MORC4: variants seen among roughly 807,000 people sequenced by gnomAD.
MORC4 encodes MORC family CW-type zinc finger protein 4.
MORC4 carries 22 observed loss-of-function variants against 65.5 expected under a neutral mutation model. The observed-to-expected ratio is 0.34, with a 90% confidence interval of 0.24 to 0.48. MORC4 has a LOEUF of 0.48. MORC4 is among the 20% of genes least tolerant of loss of function. The pLI, the probability that MORC4 is intolerant of heterozygous loss-of-function variation, is 0.99. For missense variants in MORC4, 624 were observed against 703.0 expected, an observed-to-expected ratio of 0.89 and a Z score of 1.27; for synonymous variants, 267 against 255.8, an observed-to-expected ratio of 1.04 and a Z score of -0.42.
At chrX:106,961,836 G>A (rs1418358317) in intron 10 of MORC4, among the ~76,000 whole-genome samples, 176 bp downstream of exon 10, 2 of 111,495 alleles carry the variant, frequency 1.8e-5, no homozygotes, top group East Asian at 2.8e-4. Context: ...TCTTTGGGTC[G>A]GTGCCATCTT....
intron 5 of MORC4, among the ~76,000 whole-genome samples, chrX:106,984,531 C>T (rs1176509955): frequency 1.1e-5 from 1 of 93,456 alleles, no homozygotes; most frequent in East Asian, 3.4e-4. Flanking sequence ...TGCAGAGGCG[C>T]GATCTCTGCT....
chrX:106,982,523 T>C (rs1013498871), intron 5 of MORC4, among the ~76,000 whole-genome samples: 48 of 111,839 alleles, frequency 4.3e-4, no homozygotes, highest in African/African-American at 1.5e-3. Flanking sequence ...CTACCCCACC[T>C]GACCCCAATG....
intron 3 of MORC4, among the ~76,000 whole-genome samples, chrX:106,990,830 C>G (rs1274932232): frequency 2.7e-5 from 3 of 110,923 alleles, no homozygotes; most frequent in African/African-American, 9.9e-5. Context: ...TGAGATCATG[C>G]CATTGCACTC....
chrX:106,959,009 C>G (rs1452031711), intron 10 of MORC4, among the ~76,000 whole-genome samples: 1 of 111,657 alleles, frequency 9.0e-6, no homozygotes, highest in Non-Finnish European at 1.9e-5. Context: ...CTCCTTATTC[C>G]TTTTCATTTC....
chrX:106,989,561 G>C (rs1050316373), intron 3 of MORC4, among the ~76,000 whole-genome samples: 2 of 111,876 alleles, frequency 1.8e-5, no homozygotes, highest in Admixed American at 9.5e-5. Context: ...AAATACAAAA[G>C]TAATATGCCT....
chrX:106,974,890 G>C (rs1934591654), intron 9 of MORC4, among the ~76,000 whole-genome samples: 1 of 111,420 alleles, frequency 9.0e-6, no homozygotes, highest in African/African-American at 3.3e-5. Flanking sequence ...GCCAGAATTG[G>C]CATGAGTTAT....
chrX:106,953,827 A>T (rs916193862), intron 14 of MORC4, among the ~76,000 whole-genome samples: 6 of 112,097 alleles, frequency 5.4e-5, no homozygotes, highest in Non-Finnish European at 1.1e-4. Context: ...ATAGTCACTA[A>T]AAAGTTCACT....
intron 9 of MORC4, among the ~76,000 whole-genome samples, chrX:106,963,847 T>C (rs1322438536): frequency 1.8e-5 from 2 of 109,571 alleles, no homozygotes; most frequent in Non-Finnish European, 3.8e-5. Flanking sequence ...AGGTCAATCC[T>C]TGGCACAGAG....
Position 106,943,109 on chromosome X carries a change from A to G in MORC4, c.1782T>C (p.Ala594=), listed in dbSNP as rs764780745. ...CAGGTGCTTCTACCCTCCTGTAAGG[A>G]GCAGGCATGGAATAATCTAGAGAAG... ...TTPSLDYSMP[A]PYRRVEAPVA... The change falls in exon 15 of 17, where the codon GCT becomes GCC. Residue 594 remains alanine, a synonymous_variant. Coordinates refer to ENST00000355610, the MANE Select transcript of MORC4 (RefSeq NM_024657.5). 4.1e-6 allele frequency: 5 copies of G among 1,210,899 alleles called. No homozygotes were observed. The highest frequency in any genetic ancestry group is 5.6e-6 in the Non-Finnish European group (5 of 894,684).
chrX:106,995,511 C>T (rs1264918051), intron 2 of MORC4, among the ~76,000 whole-genome samples: 1 of 112,084 alleles, frequency 8.9e-6, no homozygotes, highest in Admixed American at 9.5e-5. Context: ...GCCTTCTGTG[C>T]CTGGCTTATT....
intron 9 of MORC4, among the ~76,000 whole-genome samples, chrX:106,968,767 A>T (rs1329298146): frequency 9.0e-6 from 1 of 110,964 alleles, no homozygotes; most frequent in African/African-American, 3.3e-5. Context: ...GGATCAATTC[A>T]ACAAGAAGAG....
intron 3 of MORC4, among the ~76,000 whole-genome samples, chrX:106,992,416 A>C (rs1935000425): frequency 8.9e-6 from 1 of 112,611 alleles, no homozygotes; most frequent in South Asian, 3.7e-4. Flanking sequence ...CAGGGAGAGT[A>C]ATCAACCTCA....
At chrX:106,972,537 T>C (rs1256819199) in intron 9 of MORC4, among the ~76,000 whole-genome samples, 4 of 111,385 alleles carry the variant, frequency 3.6e-5, no homozygotes, top group Non-Finnish European at 7.5e-5. Flanking sequence ...AAAATAGATA[T>C]AGGATTCCCT....
chrX:106,971,779 C>T lies in MORC4; in HGVS notation c.1157+4805G>A, dbSNP rs182365786. ...AAAACCATAATGAGATACCATCTCA[C>T]GCCAGTTAGAATGGCGACCATTAAA... On this transcript the variant is annotated intron_variant, in intron 9 of 16. Transcript: ENST00000355610. Among the ~76,000 whole-genome samples, 578 of 112,066 alleles carry T rather than the reference C, an allele frequency of 5.2e-3. 4 individuals carry two copies. The highest frequency in any genetic ancestry group is 8.0e-3 in the Non-Finnish European group (424 of 53,189).
chrX:106,946,360 G>A lies in MORC4; in HGVS notation c.1686-3155C>T, dbSNP rs1022888705. On this transcript the variant is annotated intron_variant, in intron 14 of 16. Coordinates refer to ENST00000355610, the MANE Select transcript of MORC4 (RefSeq NM_024657.5). ...TAAAACATATGGCTTTTTTAAACTC[G>A]CTTCTTTCACCTAAATGGAATAAAA... Among the ~76,000 whole-genome samples, 4 of 112,071 alleles carry A rather than the reference G, an allele frequency of 3.6e-5. No individual in the cohort carries two copies. In the East Asian group the frequency reaches 8.4e-4, roughly 23 times the overall value.
At chrX:106,996,857 C>T (rs959212143) in intron 2 of MORC4, among the ~76,000 whole-genome samples, 1 of 112,184 alleles carries the variant, frequency 8.9e-6, no homozygotes, top group Admixed American at 9.4e-5. Flanking sequence ...TCATCAGAAT[C>T]TAGGAGGCAA....
chrX:106,999,596 G>C (rs1935141243), intron 2 of MORC4, 81 bp downstream of exon 2: 9 of 950,897 alleles, frequency 9.5e-6, no homozygotes, highest in Non-Finnish European at 1.3e-5. Context: ...GCGCGGCTCT[G>C]CGCATTCCTC....
At chrX:106,942,461 C>T (rs1430708661) in intron 15 of MORC4, 54 bp downstream of exon 15, 4 of 1,080,115 alleles carry the variant, frequency 3.7e-6, no homozygotes, top group African/African-American at 1.8e-5. Context: ...ACCAATGTCC[C>T]GCTCCCTTGG....
intron 9 of MORC4, 130 bp downstream of exon 9, chrX:106,976,454 G>A (rs1934627347): frequency 7.2e-6 from 3 of 416,193 alleles, no homozygotes; most frequent in Non-Finnish European, 8.5e-6. Context: ...CTCTAATCTT[G>A]GAAAACAAAT....
Sources: allele counts gnomAD v4.1 joint callset (sites outside exome capture counted in the v4.1 genomes callset), GRCh38; gene constraint gnomAD v4.1.1; transcripts MANE v1.5; gene names NCBI Gene and HGNC (gene_info 2026-07-23, HGNC 2026-07-21).